Variants in ZNF292 observed in about 807,000 individuals in gnomAD.
ZNF292 encodes the protein 16 zinc-finger domain protein.
A neutral mutation model predicts 217.9 loss-of-function variants in ZNF292; 26 were observed. The ratio of observed to expected loss-of-function variants is 0.12; its 90% CI spans 0.09 to 0.17. The LOEUF is 0.17. Among genes scored for constraint, ZNF292 ranks in the 10% least tolerant of loss-of-function variants. The pLI, the probability that ZNF292 is intolerant of heterozygous loss-of-function variation, is 1.00. For missense variants in ZNF292, 2,904 were observed against 3,175.2 expected, an observed-to-expected ratio of 0.91 and a Z score of 2.05; for synonymous variants, 1,257 against 1,124.1, an observed-to-expected ratio of 1.12 and a Z score of -2.37.
Position 87,261,413 on chromosome 6 carries a change from T to A in ZNF292, c.7784T>A (p.Phe2595Tyr). 6.2e-7 allele frequency: 1 copy of A among 1,611,088 alleles called. No individual in the cohort carries two copies. Among genetic ancestry groups the A allele is most frequent in the South Asian group, 1.1e-5 (1 of 90,710 alleles). Residue 2595 changes from phenylalanine (F) to tyrosine (Y), a missense_variant, in exon 8 of 8, where the codon TTT becomes TAT. Phe to Tyr is a conservative substitution (Grantham distance 22). Transcript: ENST00000369577. ...SFKPMGFEVS[F>Y]LKFLEESAVK... ...AAGCCAATGGGATTTGAAGTATCAT[T>A]TCTGAAGTTTCTTGAGGAGTCTGCA...
chr6:87,256,525 C>T lies in ZNF292; in HGVS notation c.2896C>T (p.Leu966=). 6.2e-7 allele frequency: 1 copy of T among 1,613,130 alleles called. No individual in the cohort carries two copies. The highest frequency in any genetic ancestry group is 8.5e-7 in the Non-Finnish European group (1 of 1,179,830). ...AACTGTGGAAGGCAGTGGTGAAGCA[C>T]TGGTCACAGACTTACATACGCCAGT... ...NSTVEGSGEA[L]VTDLHTPVED... Residue 966 remains leucine (L), a synonymous_variant, in exon 8 of 8, where the codon CTG becomes TTG. Coordinates refer to ENST00000369577, the MANE Select transcript of ZNF292 (RefSeq NM_015021.3).
At chr6:87,216,590 A>G (rs1189935089) in intron 3 of ZNF292, among the ~76,000 whole-genome samples, 2 of 152,018 alleles carry the variant, frequency 1.3e-5, no homozygotes, top group Non-Finnish European at 2.9e-5. Context: ...AATCGTTATG[A>G]TCAGATAATT....
intron 1 of ZNF292, among the ~76,000 whole-genome samples, chr6:87,194,293 A>G (rs1024775580): frequency 4.6e-5 from 7 of 152,186 alleles, no homozygotes; most frequent in African/African-American, 1.4e-4. Flanking sequence ...TCTTAGACAT[A>G]AAAATGCTGT....
chr6:87,211,816 C>G (rs1158303874), intron 1 of ZNF292, among the ~76,000 whole-genome samples: 2 of 152,102 alleles, frequency 1.3e-5, no homozygotes, highest in Non-Finnish European at 2.9e-5. Flanking sequence ...GGTTTTGTTC[C>G]TTGTCTTTTC....
chr6:87,198,478 A>G (rs948594792), intron 1 of ZNF292, among the ~76,000 whole-genome samples: 17 of 152,204 alleles, frequency 1.1e-4, no homozygotes, highest in African/African-American at 4.1e-4. Flanking sequence ...TGCTGGGATT[A>G]CAGGCCTGAG....
rs913998939 is a variant in ZNF292 at position 87,264,977 on chromosome 6, TA to T, written c.*3181del. Among the ~76,000 whole-genome samples the T allele has an allele frequency of 2.6e-5, 4 of 152,064 alleles. No individual in the cohort carries two copies. The highest frequency in any genetic ancestry group is 9.7e-5 in the African/African-American group (4 of 41,404). ...AGAGACTAATGGATAAGAGAGATAA[TA>T]AAAAGTAATGTCTAAGGCAGCCTGT... is the stretch of plus-strand genomic sequence containing the variant. On this transcript the variant is annotated 3_prime_UTR_variant, in exon 8 of 8. Transcript: ENST00000369577.
At chr6:87,165,005 C>G (rs1335925496) in intron 1 of ZNF292, among the ~76,000 whole-genome samples, 1 of 151,704 alleles carries the variant, frequency 6.6e-6, no homozygotes, top group African/African-American at 2.4e-5. Flanking sequence ...CCTCTTGATC[C>G]GCCCGCCTCA....
rs1775701173 is a variant in ZNF292, at chr6:87,263,342, A to T, written c.*1541A>T. The T allele has an allele frequency of 6.6e-6, 1 of 151,954 alleles. No individual in the cohort carries two copies. The highest frequency in any genetic ancestry group is 2.4e-5 in the African/African-American group (1 of 41,406). 9.4% of individuals were successfully genotyped at this position (151,954 alleles called of 1,614,324 possible). A position where few individuals can be genotyped will look rare whatever the true frequency, so the allele number is the denominator to read the frequency against. On this transcript the variant is annotated 3_prime_UTR_variant, in exon 8 of 8. Coordinates refer to ENST00000369577, the MANE Select transcript of ZNF292 (RefSeq NM_015021.3). ...TGTTTGTTATAAAACAGTTGCATTC[A>T]CAATATTATTGGCCTGAGATATTGA...
intron 1 of ZNF292, among the ~76,000 whole-genome samples, chr6:87,190,874 G>A (rs574819461): frequency 5.9e-5 from 9 of 152,194 alleles, no homozygotes; most frequent in African/African-American, 1.7e-4. Context: ...TTCTTCTGAA[G>A]TTATAAAAGT....
Position 87,258,613 on chromosome 6 carries a change from G to A in ZNF292, c.4984G>A (p.Val1662Ile). 1 of 1,613,640 alleles carries A rather than the reference G, an allele frequency of 6.2e-7. No individual in the cohort carries two copies. The highest frequency in any genetic ancestry group is 1.3e-5 in the African/African-American group (1 of 75,036). The change falls in exon 8 of 8, where the codon GTT (valine) becomes ATT (isoleucine). Residue 1662 changes from valine (V) to isoleucine (I), a missense_variant. Val to Ile is a conservative substitution (Grantham distance 29, BLOSUM62 3). Around this residue, in one of 15 missense-constraint regions of ZNF292, gnomAD observed 622 missense variants for 573.1 expected, o/e 1.09. Coordinates refer to ENST00000369577, the MANE Select transcript of ZNF292 (RefSeq NM_015021.3). Reference protein sequence around the residue: ...LTTMGLIAKSVEIPTTNLHSN... With the variant: ...LTTMGLIAKSIEIPTTNLHSN... The stretch of plus-strand genomic sequence containing the variant: ...AACAATGGGACTCATAGCAAAGAGT[G>A]TTGAAATCCCAACTACTAACCTTCA...
rs554972085 is a variant in ZNF292, at chr6:87,169,100, T to G, written c.168+13341T>G. On this transcript the variant is annotated intron_variant, in intron 1 of 7. Transcript: ENST00000369577. ...CTCTGTTGCCCCAGCTGCAGTGCAG[T>G]GGCACCATCTCGGCTCACTGCAGCC... Among the ~76,000 whole-genome samples, 589 of 152,262 alleles carry G rather than the reference T, an allele frequency of 3.9e-3. 5 individuals are homozygous for G. The highest frequency in any genetic ancestry group is 5.8e-3 in the Non-Finnish European group (396 of 68,012).
rs556357238 is a variant in ZNF292 at position 87,258,147 on chromosome 6, C to T, written c.4518C>T (p.Ala1506=). The T allele has an allele frequency of 6.6e-5, 107 of 1,611,730 alleles. No homozygotes were observed. The highest frequency in any genetic ancestry group is 1.6e-4 in the Middle Eastern group (1 of 6,084). The part of the protein sequence containing the change: ...TAGIPSTFEG[A]EMLSHVSTGC... ...GCATTCCCAGTACATTTGAGGGTGCCGAAATGCTTTCTCATGTTTCAACAG... is the reference window on the plus strand; with the variant it reads ...GCATTCCCAGTACATTTGAGGGTGCTGAAATGCTTTCTCATGTTTCAACAG... Residue 1506 remains alanine, a synonymous_variant, in exon 8 of 8, where the codon GCC becomes GCT. Coordinates refer to ENST00000369577, the MANE Select transcript of ZNF292 (RefSeq NM_015021.3).
chr6:87,204,823 C>A (rs1381200742), intron 1 of ZNF292, among the ~76,000 whole-genome samples: 1 of 152,082 alleles, frequency 6.6e-6, no homozygotes, highest in Non-Finnish European at 1.5e-5. Flanking sequence ...CTCAGCCTCG[C>A]AAAGTGCTGG....
In ZNF292 at chr6:87,261,596, A is replaced by G. The variant is rs573895028; in HGVS notation, c.7967A>G (p.Asn2656Ser). Residue 2656 changes from asparagine to serine, a missense_variant, in exon 8 of 8, where the codon AAT becomes AGT. Transcript: ENST00000369577. ...AGCGAAACGTTTGTACAGTTTGCCA[A>G]TCCATCACAGCTTCAGTGCAGTGAT... ...KESETFVQFA[N>S]PSQLQCSDNV... 1.2e-5 allele frequency: 20 copies of G among 1,611,224 alleles called. No individual in the cohort carries two copies. Among genetic ancestry groups the G allele is most frequent in the Middle Eastern group, 1.7e-4 (1 of 6,054 alleles).
chr6:87,200,250 A>T lies in ZNF292; in HGVS notation c.169-15653A>T, dbSNP rs115304684. 3.3e-3 allele frequency among the ~76,000 whole-genome samples: 500 copies of T among 152,318 alleles called. 3 individuals are homozygous for T. Among genetic ancestry groups the T allele is most frequent in the African/African-American group, 0.012 (482 of 41,570 alleles). On this transcript the variant is annotated intron_variant, in intron 1 of 7. Transcript: ENST00000369577. ...TTCATTATGACTGCTTGACTATGGG[A>T]GTCACAATGTAAAGGTACAGATCAA...
intron 1 of ZNF292, among the ~76,000 whole-genome samples, chr6:87,167,658 A>C (rs1770960341): frequency 6.6e-6 from 1 of 152,334 alleles, no homozygotes; most frequent in African/African-American, 2.4e-5. Context: ...AAAACAAAAA[A>C]CAAAAAACTT....
At chr6:87,207,731 C>A (rs1582420396) in intron 1 of ZNF292, among the ~76,000 whole-genome samples, 2 of 152,174 alleles carry the variant, frequency 1.3e-5, no homozygotes, top group Non-Finnish European at 2.9e-5. Context: ...CAATTCAATC[C>A]AAATTCTCCC....
chr6:87,216,902 T>A (rs1334886414), intron 3 of ZNF292, among the ~76,000 whole-genome samples: 1 of 152,068 alleles, frequency 6.6e-6, no homozygotes, highest in African/African-American at 2.4e-5. Context: ...TGAAAACACA[T>A]GCTTTGTCTA....
chr6:87,158,253 C>T (rs57689077), intron 1 of ZNF292, among the ~76,000 whole-genome samples: 1,593 of 152,240 alleles, frequency 0.01, 29 homozygotes, highest in African/African-American at 0.035. Context: ...CCATTTGAAA[C>T]GATACAGAGT....
Sources: allele counts gnomAD v4.1 joint callset (sites outside exome capture counted in the v4.1 genomes callset), GRCh38; gene constraint gnomAD v4.1.1; regional missense constraint gnomAD v4.1.1; transcripts MANE v1.5; gene names NCBI Gene and HGNC (gene_info 2026-07-23, HGNC 2026-07-21).